KIF13A: variants seen among roughly 807,000 people sequenced by gnomAD.
KIF13A encodes the protein kinesin-like protein KIF13A.
In KIF13A, 79 loss-of-function variants were observed where a neutral mutation model predicts 212.2. The ratio of observed to expected loss-of-function variants is 0.37; its 90% CI spans 0.31 to 0.45. KIF13A has a LOEUF of 0.45. Ranked by LOEUF, KIF13A falls within the 20% of genes least tolerant of loss-of-function variation. The pLI, the probability that KIF13A is intolerant of heterozygous loss-of-function variation, is 1.00. For missense variants in KIF13A, 1,901 were observed against 2,209.0 expected, an observed-to-expected ratio of 0.86 and a Z score of 2.79; for synonymous variants, 789 against 808.6, an observed-to-expected ratio of 0.98 and a Z score of 0.41.
chr6:17,967,178 G>C lies in KIF13A; in HGVS notation c.146+19876C>G, dbSNP rs1294835106. On this transcript the variant is annotated intron_variant, in intron 2 of 38. Transcript: ENST00000259711. The surrounding 1 kb of genome is among the most constrained non-coding windows in gnomAD (Gnocchi z 4.1). ...TTCAACAAGGCAGAACTTTGTCTTG[G>C]ACTAAACATTCAGCTGAACCTAGTG... Among the ~76,000 whole-genome samples the C allele has an allele frequency of 6.6e-6, 1 of 152,116 alleles. No homozygotes were observed. The highest frequency in any genetic ancestry group is 1.5e-5 in the Non-Finnish European group (1 of 68,016).
rs1763271271 is a variant in KIF13A, at chr6:17,809,756, T to C, written c.2001-826A>G. ...GTTCTAAAGTCACTCCATCTAGCAA[T>C]TGCTCTGTGTCATATATAACTTCTC... On this transcript the variant is annotated intron_variant, in intron 17 of 38. Transcript: ENST00000259711. The surrounding 1 kb of genome is among the most constrained non-coding windows in gnomAD (Gnocchi z 4.7). 6.6e-6 allele frequency among the ~76,000 whole-genome samples: 1 copy of C among 152,178 alleles called. No homozygotes were observed. Among genetic ancestry groups the C allele is most frequent in the Admixed American group, 6.5e-5 (1 of 15,278 alleles).
intron 2 of KIF13A, among the ~76,000 whole-genome samples, chr6:17,975,109 AGAG>A (rs1302545590): frequency 1.4e-4 from 21 of 152,304 alleles, no homozygotes; most frequent in South Asian, 4.1e-4. Context: ...TTTGAGAGAA[AGAG>A]GAGGGCAGAT....
chr6:17,985,318 T>A (rs1288095623), intron 2 of KIF13A, among the ~76,000 whole-genome samples: 2 of 152,176 alleles, frequency 1.3e-5, no homozygotes, highest in Non-Finnish European at 2.9e-5. Context: ...GATTAGTAAC[T>A]AACGTGGTTC....
intron 2 of KIF13A, among the ~76,000 whole-genome samples, chr6:17,981,954 G>A (rs951790753): frequency 3.9e-5 from 6 of 152,112 alleles, no homozygotes; most frequent in African/African-American, 9.7e-5. Context: ...TCAGAATGGC[G>A]GAGGAAGCCA....
At chr6:17,823,526 C>A (rs925016794) in intron 16 of KIF13A, among the ~76,000 whole-genome samples, 5 of 148,998 alleles carry the variant, frequency 3.4e-5, no homozygotes, top group African/African-American at 5.0e-5. Context: ...GGAGTGTAGT[C>A]GTGTGATCTT....
At chr6:17,949,246 C>T (rs1475133355) in intron 2 of KIF13A, among the ~76,000 whole-genome samples, 1 of 152,102 alleles carries the variant, frequency 6.6e-6, no homozygotes, top group Non-Finnish European at 1.5e-5. Context: ...GAAAAAGTCG[C>T]CAGAGTGTAC....
chr6:17,831,383 T>G, intron 12 of KIF13A, 148 bp from the exon 13 acceptor site: 1 of 884,574 alleles, frequency 1.1e-6, no homozygotes, highest in Non-Finnish European at 1.7e-6. Context: ...ACAGAGAGTC[T>G]ACAGTGCATG....
At chr6:17,830,974 C>T in intron 13 of KIF13A, 127 bp downstream of exon 13, 2 of 769,920 alleles carry the variant, frequency 2.6e-6, no homozygotes, top group Non-Finnish European at 4.2e-6. Flanking sequence ...AGGGCACTAT[C>T]CATCTTAGTT....
intron 2 of KIF13A, among the ~76,000 whole-genome samples, chr6:17,902,928 G>C (rs1233755576): frequency 6.6e-6 from 1 of 152,186 alleles, no homozygotes; most frequent in East Asian, 1.9e-4. Context: ...TTTTACATTA[G>C]TGAGTTAAAC....
chr6:17,787,932 C>G lies in KIF13A; in HGVS notation c.3262-57G>C. On this transcript the variant is annotated intron_variant, in intron 26 of 38. Transcript: ENST00000259711. This position sits in a 1 kb window ranked among gnomAD's most constrained non-coding sequence, Gnocchi z 4.6. The stretch of plus-strand genomic sequence containing the variant: ...AGACTGCACAGACAACGATTTCTTT[C>G]TTTCTTTTTTTAAAAGATGTTTAAA... 4 of 969,244 alleles carry G rather than the reference C, an allele frequency of 4.1e-6. No individual in the cohort carries two copies. The highest frequency in any genetic ancestry group is 6.5e-6 in the Non-Finnish European group (4 of 616,246). The allele number at this position is 969,244 out of a possible 1,614,324, so 60.0% of individuals were successfully genotyped here.
chr6:17,780,764 C>T lies in KIF13A; in HGVS notation c.3812G>A (p.Arg1271Gln). The change falls in exon 31 of 39, where the codon CGA becomes CAA. Residue 1271 changes from arginine (R) to glutamine (Q), a missense_variant. Physicochemically the swap from Arg to Gln is conservative, Grantham distance 43. Transcript: ENST00000259711. The part of the protein sequence containing the change: ...SHPAAMELVL[R>Q]KRIAANIYNK... ...GTAAATATTGGCTGCAATTCGTTTT[C>T]GTAATACTAACTCCATAGCAGCAGG... 2.5e-6 allele frequency: 4 copies of T among 1,614,000 alleles called. No individual in the cohort carries two copies. Among genetic ancestry groups the T allele is most frequent in the Non-Finnish European group, 3.4e-6 (4 of 1,179,870 alleles).
At chr6:17,958,071 G>C (rs541345507) in intron 2 of KIF13A, among the ~76,000 whole-genome samples, 202 of 152,256 alleles carry the variant, frequency 1.3e-3, no homozygotes, top group Non-Finnish European at 2.2e-3. Context: ...GCTTCAGTCT[G>C]ATAAACTGAC....
At chr6:17,959,799 G>C (rs141426356) in intron 2 of KIF13A, among the ~76,000 whole-genome samples, 5 of 152,244 alleles carry the variant, frequency 3.3e-5, no homozygotes, top group Non-Finnish European at 7.4e-5. Context: ...CGAGGCCGGC[G>C]GATCACCTGA....
rs370918630 is a variant in KIF13A, at chr6:17,771,105, G to A, written c.4581+9C>T. 45 of 1,587,986 alleles carry A rather than the reference G, an allele frequency of 2.8e-5. No homozygotes were observed. The highest frequency in any genetic ancestry group is 9.0e-5 in the East Asian group (4 of 44,640). On this transcript the variant is annotated intron_variant, in intron 38 of 38. Coordinates refer to ENST00000259711, the MANE Select transcript of KIF13A (RefSeq NM_022113.6). This position sits in a 1 kb window ranked among gnomAD's most constrained non-coding sequence, Gnocchi z 5.4. ...CAGGCAATATGACAGAAATGGTTCC[G>A]GAACTTACAATCTTCTTCTCACGTT...
At chr6:17,969,959 T>G (rs1182878224) in intron 2 of KIF13A, among the ~76,000 whole-genome samples, 3 of 151,910 alleles carry the variant, frequency 2.0e-5, no homozygotes, top group Non-Finnish European at 4.4e-5. Context: ...GTCTCGCTCT[T>G]TCACCCAGGC....
In KIF13A at chr6:17,968,663, C is replaced by G. The variant is rs1779537167; in HGVS notation, c.146+18391G>C. ...AAGACTGGTGACCTCCTGGCTGGAC[C>G]AACCATTACTTATCTCATGTAGTCC... On this transcript the variant is annotated intron_variant, in intron 2 of 38. Coordinates refer to ENST00000259711, the MANE Select transcript of KIF13A (RefSeq NM_022113.6). This position sits in a 1 kb window ranked among gnomAD's most constrained non-coding sequence, Gnocchi z 4.7. Among the ~76,000 whole-genome samples the G allele has an allele frequency of 6.6e-6, 1 of 152,180 alleles. No homozygotes were observed.
chr6:17,785,545 C>T lies in KIF13A; in HGVS notation c.3458G>A (p.Gly1153Asp). 3 of 1,594,116 alleles carry T rather than the reference C, an allele frequency of 1.9e-6. No individual in the cohort carries two copies. The highest frequency in any genetic ancestry group is 2.6e-6 in the Non-Finnish European group (3 of 1,171,146). The change falls in exon 28 of 39, where the codon GGC becomes GAC. Residue 1153 changes from glycine to aspartate, a missense_variant. Coordinates refer to ENST00000259711, the MANE Select transcript of KIF13A (RefSeq NM_022113.6). The surrounding 1 kb of genome is among the most constrained non-coding windows in gnomAD (Gnocchi z 5.8). Reference sequence around the variant, plus strand: ...GGCAGGTGCCCCAGGAATCCCACTGCCTGGGGCTGGCACCAGCACAGCATT... The same window carrying T: ...GGCAGGTGCCCCAGGAATCCCACTGTCTGGGGCTGGCACCAGCACAGCATT... ...ERNAVLVPAP[G>D]SGIPGAPADW...
rs1209506776 is a variant in KIF13A, at chr6:17,828,258, G to A, written c.1514C>T (p.Thr505Ile). ...TTCTTACCTTGCATTTTCTTTTGGA[G>A]TGAGAGTGACGTCTCCATCAGATGC... ...DIASDGDVTL[T>I]PKENARSCVN... is the part of the protein sequence containing the mutation. The change falls in exon 14 of 39, where the codon ACT becomes ATT. Residue 505 changes from threonine to isoleucine, a missense_variant. By Grantham distance (89) the Thr-to-Ile change is moderately conservative. Around this residue, in one of 5 missense-constraint regions of KIF13A, gnomAD observed 506 missense variants for 637.4 expected, o/e 0.79. Coordinates refer to ENST00000259711, the MANE Select transcript of KIF13A (RefSeq NM_022113.6). This position sits in a 1 kb window ranked among gnomAD's most constrained non-coding sequence, Gnocchi z 4.3. The A allele has an allele frequency of 5.0e-6, 8 of 1,609,922 alleles. No individual in the cohort carries two copies. The highest frequency in any genetic ancestry group is 3.4e-5 in the Admixed American group (2 of 59,362).
At chr6:17,880,913 C>T (rs762129238) in intron 3 of KIF13A, among the ~76,000 whole-genome samples, 1 of 152,110 alleles carries the variant, frequency 6.6e-6, no homozygotes, top group Non-Finnish European at 1.5e-5. Context: ...GCCCAGCAGA[C>T]TTCTTAATGC....
Sources: allele counts gnomAD v4.1 joint callset (sites outside exome capture counted in the v4.1 genomes callset), GRCh38; gene constraint gnomAD v4.1.1; regional missense constraint gnomAD v4.1.1; non-coding constraint Gnocchi (gnomAD v3.1); transcripts MANE v1.5; gene names NCBI Gene and HGNC (gene_info 2026-07-23, HGNC 2026-07-21).